Variants in ANKRD30A observed in about 807,000 individuals in gnomAD.
ANKRD30A encodes ankyrin repeat domain 30A, also known as ankyrin repeat domain-containing protein 30A.
ANKRD30A carries 170 observed loss-of-function variants against 166.3 expected under a neutral mutation model. The observed-to-expected ratio is 1.02, with a 90% CI of 0.90 to 1.16. The LOEUF (loss-of-function observed/expected upper bound fraction) is 1.16. ANKRD30A is among the 50% of genes most tolerant of loss of function. The pLI, the probability that ANKRD30A is intolerant of heterozygous loss-of-function variation, is 0.00. For synonymous variants in ANKRD30A, 564 were observed against 508.9 expected, an observed-to-expected ratio of 1.11 and a Z score of -1.46; for missense variants, 1,630 against 1,518.0, an observed-to-expected ratio of 1.07 and a Z score of -1.23.
chr10:37,148,299 C>T (rs536135019), intron 9 of ANKRD30A, among the ~76,000 whole-genome samples: 1 of 151,962 alleles, frequency 6.6e-6, no homozygotes, highest in Admixed American at 6.6e-5. Flanking sequence ...CATTATATTC[C>T]TTTTATTTCT....
intron 34 of ANKRD30A, among the ~76,000 whole-genome samples, chr10:37,230,134 A>C (rs1843354481): frequency 6.6e-6 from 1 of 151,992 alleles, no homozygotes; most frequent in Non-Finnish European, 1.5e-5. Flanking sequence ...TCCAAAATGA[A>C]AACTGTAGAA....
chr10:37,261,543 T>G, the ANKRD30A span, among the ~76,000 whole-genome samples: 1 of 152,212 alleles, frequency 6.6e-6, no homozygotes, highest in African/African-American at 2.4e-5. Context: ...TAAAAATAGG[T>G]TAATAATTTC....
At chr10:37,241,978 G>A in the ANKRD30A span, 1 of 152,106 alleles carries the variant, frequency 6.6e-6, no homozygotes, top group Non-Finnish European at 1.5e-5. Flanking sequence ...GACATTCTAC[G>A]TGACTACAAT....
At chr10:37,171,197 C>A (rs1339852914) in intron 21 of ANKRD30A, among the ~76,000 whole-genome samples, 10 of 115,988 alleles carry the variant, frequency 8.6e-5, no homozygotes, top group African/African-American at 2.7e-4. Context: ...GGACCCAATA[C>A]AATTAGCTCT....
intron 24 of ANKRD30A, chr10:37,184,366 T>G (rs1411578361): frequency 1.4e-4 from 9 of 66,136 alleles, no homozygotes; most frequent in Admixed American, 4.9e-4. Flanking sequence ...TTTTTTTTTT[T>G]TAGTAGAAGC....
Position 37,125,720 on chromosome 10 carries a change from G to T in ANKRD30A, c.-68G>T. On this transcript the variant is annotated 5_prime_UTR_variant, in exon 1 of 36. Coordinates refer to ENST00000361713, the MANE Select transcript of ANKRD30A (RefSeq NM_052997.3). The stretch of plus-strand genomic sequence containing the variant: ...AAGAAGGGCGAGGGCGATTGGGGAG[G>T]GGTGGGGGGTGGTGGCTGGGAAGGG... 1.8e-6 allele frequency: 1 copy of T among 560,192 alleles called. No homozygotes were observed. 34.7% of individuals were successfully genotyped at this position (560,192 alleles called of 1,614,324 possible).
chr10:37,138,399 G>T (rs1317155922), intron 6 of ANKRD30A, among the ~76,000 whole-genome samples: 1 of 152,184 alleles, frequency 6.6e-6, no homozygotes, highest in African/African-American at 2.4e-5. Context: ...TGAGTTGAGA[G>T]AAGAAGGCTT....
At chr10:37,158,321 C>T (rs1838541560) in intron 13 of ANKRD30A, 71 bp from the exon 14 acceptor site, 2 of 1,539,524 alleles carry the variant, frequency 1.3e-6, no homozygotes. Flanking sequence ...TTCATGTTCA[C>T]ACTGTGTGAA....
chr10:37,197,933 G>A (rs926644143), intron 29 of ANKRD30A, among the ~76,000 whole-genome samples: 4 of 151,964 alleles, frequency 2.6e-5, no homozygotes, highest in Non-Finnish European at 4.4e-5. Context: ...TCAGTAACTC[G>A]GATTAGTGAA....
chr10:37,248,973 G>T, the ANKRD30A span, among the ~76,000 whole-genome samples: 1 of 152,126 alleles, frequency 6.6e-6, no homozygotes, highest in South Asian at 2.1e-4. Flanking sequence ...GGTCTTTGTC[G>T]GAGGGGATTC....
At chr10:37,136,850 T>TATAG (rs1465547826) in intron 6 of ANKRD30A, among the ~76,000 whole-genome samples, 179 bp downstream of exon 6, 5 of 150,398 alleles carry the variant, frequency 3.3e-5, no homozygotes, top group African/African-American at 1.2e-4. Flanking sequence ...TATATATATA[T>TATAG]AGCTTTGATT....
intron 34 of ANKRD30A, among the ~76,000 whole-genome samples, chr10:37,224,053 T>A (rs1001720504): frequency 4.0e-5 from 6 of 151,318 alleles, no homozygotes; most frequent in Non-Finnish European, 3.0e-5. Context: ...TTATTCTATT[T>A]TAATGTTTTT....
chr10:37,140,483 G>A (rs1476022303), intron 6 of ANKRD30A, among the ~76,000 whole-genome samples: 8 of 152,182 alleles, frequency 5.3e-5, no homozygotes, highest in South Asian at 4.2e-4. Context: ...GTTGAGAAGC[G>A]CAGGTTATGT....
At chr10:37,155,996 G>GCGT (rs1473485804) in intron 13 of ANKRD30A, among the ~76,000 whole-genome samples, 3 of 151,866 alleles carry the variant, frequency 2.0e-5, no homozygotes, top group African/African-American at 7.3e-5. Context: ...CAGGAAAATG[G>GCGT]CGTGAACTTG....
intron 12 of ANKRD30A, among the ~76,000 whole-genome samples, chr10:37,152,836 AC>A (rs1252471572): frequency 6.6e-6 from 1 of 152,112 alleles, no homozygotes; most frequent in Non-Finnish European, 1.5e-5. Context: ...CCTCTTAGAA[AC>A]AAGCAGCTGC....
chr10:37,241,635 T>C, the ANKRD30A span, among the ~76,000 whole-genome samples: 3 of 152,114 alleles, frequency 2.0e-5, no homozygotes, highest in Non-Finnish European at 4.4e-5. Context: ...TAGATTTAGA[T>C]TTCAACTGAC....
intron 34 of ANKRD30A, among the ~76,000 whole-genome samples, chr10:37,229,964 T>A (rs796972309): frequency 6.6e-6 from 1 of 151,932 alleles, no homozygotes; most frequent in African/African-American, 2.4e-5. Context: ...TTTTACTCTT[T>A]TAGTTATTTT....
downstream of ANKRD30A, chr10:37,232,653 T>TC (rs1357626620): frequency 1.3e-4 from 4 of 30,832 alleles, no homozygotes; most frequent in Admixed American, 6.8e-4. Context: ...AAGCATTGGT[T>TC]TTATATATAT....
At chr10:37,179,243 C>A (rs1310854136) in intron 24 of ANKRD30A, among the ~76,000 whole-genome samples, 1 of 150,842 alleles carries the variant, frequency 6.6e-6, no homozygotes, top group Non-Finnish European at 1.5e-5. Context: ...AACCATAAAA[C>A]TCTGAATTTA....
Sources: allele counts gnomAD v4.1 joint callset (sites outside exome capture counted in the v4.1 genomes callset), GRCh38; gene constraint gnomAD v4.1.1; transcripts MANE v1.5; gene names NCBI Gene and HGNC (gene_info 2026-07-23, HGNC 2026-07-21).